IL1RAPL1: variants seen among roughly 807,000 people sequenced by gnomAD.
IL1RAPL1 encodes interleukin 1 receptor accessory protein like 1.
Under a neutral mutation model 48.4 loss-of-function variants are expected in IL1RAPL1, and 3 were observed. The ratio of observed to expected loss-of-function variants is 0.06; its 90% CI spans 0.03 to 0.16. IL1RAPL1 has a LOEUF of 0.16. Among genes scored for constraint, IL1RAPL1 ranks in the 10% least tolerant of loss-of-function variants. The pLI is 1.00. For missense variants in IL1RAPL1, 349 were observed against 530.6 expected, an observed-to-expected ratio of 0.66 and a Z score of 3.36; for synonymous variants, 185 against 187.7, an observed-to-expected ratio of 0.99 and a Z score of 0.12.
intron 1 of IL1RAPL1, among the ~76,000 whole-genome samples, chrX:28,771,184 A>C (rs1382369617): frequency 8.9e-6 from 1 of 111,750 alleles, no homozygotes; most frequent in Non-Finnish European, 1.9e-5. Context: ...TGAGAGGCCA[A>C]TAGAAGTTTC....
chrX:29,743,552 C>G (rs888823692), intron 6 of IL1RAPL1, among the ~76,000 whole-genome samples: 13 of 111,676 alleles, frequency 1.2e-4, no homozygotes, highest in African/African-American at 4.2e-4. Context: ...GTGGCACGAT[C>G]TCAGCTCACT....
At chrX:29,167,808 A>G (rs1443967941) in intron 2 of IL1RAPL1, among the ~76,000 whole-genome samples, 2 of 110,675 alleles carry the variant, frequency 1.8e-5, no homozygotes, top group Non-Finnish European at 3.8e-5. Context: ...AAATAGACCA[A>G]TAAATCGGCT....
chrX:29,094,866 C>T (rs1928180457), intron 2 of IL1RAPL1, among the ~76,000 whole-genome samples: 1 of 93,975 alleles, frequency 1.1e-5, no homozygotes, highest in Admixed American at 1.2e-4. Flanking sequence ...AAAACAACTA[C>T]TGATCTCACT....
intron 3 of IL1RAPL1, among the ~76,000 whole-genome samples, chrX:29,335,255 GGGAGACGGAGAC>G (rs1165942711): frequency 4.2e-5 from 2 of 47,503 alleles, no homozygotes; most frequent in African/African-American, 1.7e-4. Context: ...AGACCGTGGA[GGGAGACGGAGAC>G]GGAGACGGAG....
At chrX:29,639,648 C>T (rs1484192733) in intron 5 of IL1RAPL1, among the ~76,000 whole-genome samples, 1 of 105,957 alleles carries the variant, frequency 9.4e-6, no homozygotes, top group Non-Finnish European at 1.9e-5. Context: ...GGAACACTTA[C>T]TAACTTGGAA....
intron 3 of IL1RAPL1, among the ~76,000 whole-genome samples, chrX:29,301,841 C>A (rs1484168479): frequency 1.8e-5 from 2 of 110,854 alleles, no homozygotes; most frequent in African/African-American, 6.6e-5. Flanking sequence ...GGGATGGATA[C>A]ACAGAAGACA....
chrX:28,873,645 C>G (rs1372414272), intron 2 of IL1RAPL1, among the ~76,000 whole-genome samples: 1 of 105,224 alleles, frequency 9.5e-6, no homozygotes, highest in Non-Finnish European at 1.9e-5. Flanking sequence ...CATTCTCCTG[C>G]CTCAGCCTCC....
At chrX:29,388,492 A>G (rs1265643164) in intron 3 of IL1RAPL1, among the ~76,000 whole-genome samples, 3 of 112,552 alleles carry the variant, frequency 2.7e-5, no homozygotes, top group Non-Finnish European at 3.7e-5. Flanking sequence ...TCATAGCAGC[A>G]TTATTCACAA....
intron 5 of IL1RAPL1, among the ~76,000 whole-genome samples, chrX:29,550,359 T>C (rs975690162): frequency 2.7e-5 from 3 of 110,655 alleles, no homozygotes; most frequent in African/African-American, 9.9e-5. Flanking sequence ...GCCCGGCTAA[T>C]TCTTTTTTGT....
At chrX:29,419,762 T>G (rs1934268942) in intron 5 of IL1RAPL1, among the ~76,000 whole-genome samples, 1 of 112,755 alleles carries the variant, frequency 8.9e-6, no homozygotes, top group African/African-American at 3.2e-5. Flanking sequence ...TGCTCTGTCA[T>G]GTAAACATAC....
rs1311052373 is a variant in IL1RAPL1, at chrX:29,956,358, A to G, written c.*538A>G. ...AAAAAAAAAAAAAAAAAAGATGAGA[A>G]GAACACTTGTTCATAGGAGGGCCCC... is the stretch of plus-strand genomic sequence containing the variant. On this transcript the variant is annotated 3_prime_UTR_variant, in exon 11 of 11. Transcript: ENST00000378993. The G allele has an allele frequency of 1.8e-5, 2 of 109,588 alleles. No homozygotes were observed. The highest frequency in any genetic ancestry group is 6.9e-5 in the African/African-American group (2 of 28,792). 9.0% of individuals were successfully genotyped at this position (109,588 alleles called of 1,213,427 possible). A position where few individuals can be genotyped will look rare whatever the true frequency, so the allele number is the denominator to read the frequency against.
intron 2 of IL1RAPL1, among the ~76,000 whole-genome samples, chrX:29,182,768 A>G (rs1930172482): frequency 9.0e-6 from 1 of 111,718 alleles, no homozygotes; most frequent in African/African-American, 3.3e-5. Flanking sequence ...TGAATATGTT[A>G]GCATACATGG....
intron 2 of IL1RAPL1, among the ~76,000 whole-genome samples, chrX:29,162,509 A>G (rs1929706176): frequency 9.0e-6 from 1 of 110,519 alleles, no homozygotes; most frequent in African/African-American, 3.3e-5. Flanking sequence ...AAATACCCCA[A>G]TATGTGTATA....
intron 2 of IL1RAPL1, among the ~76,000 whole-genome samples, chrX:28,843,919 G>A (rs968335507): frequency 9.1e-6 from 1 of 110,175 alleles, no homozygotes; most frequent in African/African-American, 3.3e-5. Flanking sequence ...TGTATTGGGA[G>A]TTTGCTACTT....
At chrX:28,737,092 T>C (rs866330706) in intron 1 of IL1RAPL1, among the ~76,000 whole-genome samples, 2 of 102,541 alleles carry the variant, frequency 2.0e-5, no homozygotes, top group Non-Finnish European at 4.0e-5. Context: ...CTTTTCGTTT[T>C]GTTTCTTTTC....
At chrX:28,963,267 T>C (rs1231079847) in intron 2 of IL1RAPL1, among the ~76,000 whole-genome samples, 1 of 111,566 alleles carries the variant, frequency 9.0e-6, no homozygotes. Context: ...AAGTATATTA[T>C]ACTTTTTTCT....
chrX:28,642,742 A>G (rs1261616058), intron 1 of IL1RAPL1, among the ~76,000 whole-genome samples: 1 of 111,800 alleles, frequency 8.9e-6, no homozygotes, highest in Non-Finnish European at 1.9e-5. Context: ...CATCACAATT[A>G]AAAGAACTAG....
At chrX:28,900,796 GCTT>G (rs1923054739) in intron 2 of IL1RAPL1, among the ~76,000 whole-genome samples, 1 of 111,406 alleles carries the variant, frequency 9.0e-6, no homozygotes, top group Non-Finnish European at 1.9e-5. Context: ...TAAACAACCA[GCTT>G]TACCTTATCT....
rs929926953 is a variant in IL1RAPL1 at position 29,048,664 on chromosome X, A to G, written c.83-234274A>G. 2.7e-5 allele frequency among the ~76,000 whole-genome samples: 3 copies of G among 112,463 alleles called. No homozygotes were observed. In the Admixed American group the frequency reaches 2.8e-4, roughly 11 times the overall value. The stretch of plus-strand genomic sequence containing the variant: ...AGGACACCAATCCTGTGTGTAAGAC[A>G]AAACTGGAAGTCATTCACAAATACA... On this transcript the variant is annotated intron_variant, in intron 2 of 10. Coordinates refer to ENST00000378993, the MANE Select transcript of IL1RAPL1 (RefSeq NM_014271.4).
Sources: gnomAD v4.1 joint callset for allele counts (sites outside exome capture counted in the v4.1 genomes callset) on GRCh38, gnomAD v4.1.1 for gene constraint, MANE v1.5 for transcripts, NCBI Gene and HGNC (gene_info 2026-07-23, HGNC 2026-07-21) for gene names.